Variants in INPPL1 observed in about 807,000 individuals in gnomAD.
INPPL1 encodes inositol polyphosphate phosphatase like 1, also known as phosphatidylinositol 3,4,5-trisphosphate 5-phosphatase 2.
In INPPL1, 91 loss-of-function variants were observed where a neutral mutation model predicts 139.3. The observed-to-expected ratio is 0.65, with a 90% CI of 0.55 to 0.78. INPPL1 has a LOEUF of 0.78. Ranked by LOEUF, INPPL1 falls within the 30% of genes least tolerant of loss-of-function variation. The probability of loss-of-function intolerance (pLI) is 0.00; values close to 1 mark genes in which losing one functional copy is unlikely to be tolerated. For missense variants in INPPL1, 1,411 were observed against 1,665.6 expected (o/e 0.85, Z 2.66); for synonymous variants, 719 against 686.6 (o/e 1.05, Z -0.74).
In INPPL1 at chr11:72,234,669, A is replaced by AT. The variant is rs1948931323; in HGVS notation, c.2415+55dup. 3 of 1,308,540 alleles carry AT rather than the reference A, an allele frequency of 2.3e-6. No individual in the cohort carries two copies. The highest frequency in any genetic ancestry group is 1.8e-5 in the Admixed American group (1 of 56,436). The allele number at this position is 1,308,540 out of a possible 1,614,324, so 81.1% of individuals were successfully genotyped here. ...TGGGTGAGGGCACAGAGAGGGGTAC[A>AT]TAAGAGTTTATTGGAGAGCCTGCCT... On this transcript the variant is annotated intron_variant, in intron 21 of 27. Coordinates refer to ENST00000298229, the MANE Select transcript of INPPL1 (RefSeq NM_001567.4). This position sits in a 1 kb window ranked among gnomAD's most constrained non-coding sequence, Gnocchi z 4.2.
chr11:72,236,993 G>A, intron 25 of INPPL1, 131 bp from the exon 26 acceptor site: 1 of 725,302 alleles, frequency 1.4e-6, no homozygotes, highest in Non-Finnish European at 2.3e-6. Flanking sequence ...GGCAGGTGAT[G>A]TGCTCAAGGT....
In INPPL1 at chr11:72,235,476, A is replaced by C; in HGVS notation, c.2659+25A>C. The stretch of plus-strand genomic sequence containing the variant: ...GGTGGGGACTCCACTGGGACATGAG[A>C]TAGGGTGGTGTGAACAGATCAAGGA... On this transcript the variant is annotated intron_variant, in intron 23 of 27. Transcript: ENST00000298229. The surrounding 1 kb of genome is among the most constrained non-coding windows in gnomAD (Gnocchi z 4.9). 6.2e-7 allele frequency: 1 copy of C among 1,608,238 alleles called. No individual in the cohort carries two copies. Among genetic ancestry groups the C allele is most frequent in the Non-Finnish European group, 8.5e-7 (1 of 1,178,800 alleles).
chr11:72,230,577 C>T (rs1948804570), intron 10 of INPPL1, 109 bp downstream of exon 10: 3 of 1,121,112 alleles, frequency 2.7e-6, no homozygotes, highest in Admixed American at 1.9e-5. Context: ...TGCCATCCCT[C>T]CTGGCAGGGG....
chr11:72,224,929 T>TCGGGGCGGATGGCG lies in INPPL1; in HGVS notation c.-47_-34dup. On this transcript the variant is annotated 5_prime_UTR_variant, in exon 1 of 28. It adds an upstream start codon to the 5' untranslated region. Coordinates refer to ENST00000298229, the MANE Select transcript of INPPL1 (RefSeq NM_001567.4). Reference sequence around the variant, plus strand: ...GGCCCCAGCCTCAGCCCTGAGCGTCTCGGGGCGGATGGCGCGGGGCGGCGG... The same window carrying TCGGGGCGGATGGCG: ...GGCCCCAGCCTCAGCCCTGAGCGTCTCGGGGCGGATGGCGCGGGGCGGATGGCGCGGGGCGGCGG... 3 of 1,031,624 alleles carry TCGGGGCGGATGGCG rather than the reference T, an allele frequency of 2.9e-6. No individual in the cohort carries two copies. Among genetic ancestry groups the TCGGGGCGGATGGCG allele is most frequent in the Non-Finnish European group, 3.5e-6 (3 of 859,442 alleles). The allele number at this position is 1,031,624 out of a possible 1,614,324, so 63.9% of individuals were successfully genotyped here.
chr11:72,237,267 C>G lies in INPPL1; in HGVS notation c.3023C>G (p.Pro1008Arg). 1 of 1,614,046 alleles carries G rather than the reference C, an allele frequency of 6.2e-7. No individual in the cohort carries two copies. Among genetic ancestry groups the G allele is most frequent in the Non-Finnish European group, 8.5e-7 (1 of 1,180,018 alleles). ...GAGCCACCCTCGCCTGCCAGGGCCC[C>G]TGTCCCATCTGCCACCAAGAACAAA... ...PPEPPSPARA[P>R]VPSATKNKVA... The change falls in exon 26 of 28, where the codon CCT (proline) becomes CGT (arginine). Residue 1008 changes from proline to arginine, a missense_variant. By Grantham distance (103) the Pro-to-Arg change is moderately radical. Coordinates refer to ENST00000298229, the MANE Select transcript of INPPL1 (RefSeq NM_001567.4).
intron 25 of INPPL1, among the ~76,000 whole-genome samples, chr11:72,236,582 C>T (rs1222243287): frequency 6.6e-6 from 1 of 152,218 alleles, no homozygotes. Flanking sequence ...CTCTGTGTCA[C>T]ACTTTGGGAA....
Position 72,235,497 on chromosome 11 carries a change from A to G in INPPL1, c.2659+46A>G, listed in dbSNP as rs199807221. ...TGAGATAGGGTGGTGTGAACAGATCAAGGAGGGCAGGGTGCGGGGGGCATG... is the reference window on the plus strand; with the variant it reads ...TGAGATAGGGTGGTGTGAACAGATCGAGGAGGGCAGGGTGCGGGGGGCATG... On this transcript the variant is annotated intron_variant, in intron 23 of 27. Coordinates refer to ENST00000298229, the MANE Select transcript of INPPL1 (RefSeq NM_001567.4). The surrounding 1 kb of genome is among the most constrained non-coding windows in gnomAD (Gnocchi z 4.9). 30 of 1,596,596 alleles carry G rather than the reference A, an allele frequency of 1.9e-5. No homozygotes were observed. In the African/African-American group the frequency reaches 4.0e-4, roughly 21 times the overall value.
Position 72,232,247 on chromosome 11 carries a change from G to A in INPPL1, c.1623G>A (p.Lys541=). 1.3e-6 allele frequency: 2 copies of A among 1,555,056 alleles called. No individual in the cohort carries two copies. The highest frequency in any genetic ancestry group is 1.7e-6 in the Non-Finnish European group (2 of 1,148,474). ...KTGIANTLGN[K]GAVGVSFMFN... Reference sequence around the variant, plus strand: ...TCTTGCTTGCCTTAACAGGGAACAAGGGGGCTGTGGGCGTCTCCTTCATGT... The same window carrying A: ...TCTTGCTTGCCTTAACAGGGAACAAAGGGGCTGTGGGCGTCTCCTTCATGT... Residue 541 remains lysine (K), a synonymous_variant, in exon 14 of 28, where the codon AAG becomes AAA. Coordinates refer to ENST00000298229, the MANE Select transcript of INPPL1 (RefSeq NM_001567.4).
At position 72,232,428 on chromosome 11, in the gene INPPL1, G is replaced by T. The variant is rs182376472; in HGVS notation, c.1712+92G>T. The T allele has an allele frequency of 2.5e-4, 316 of 1,287,274 alleles. 1 individual carries two copies. The African/African-American group carries it at 4.2e-3, about 17-fold the overall frequency. 79.7% of individuals were successfully genotyped at this position (1,287,274 alleles called of 1,614,324 possible). A position where few individuals can be genotyped will look rare whatever the true frequency, so the allele number is the denominator to read the frequency against. ...CCATACCCTAGCCCATGACCCTCCC[G>T]CAGGCCTGTCTCCAGAGACCCCCTG... On this transcript the variant is annotated intron_variant, in intron 14 of 27. Coordinates refer to ENST00000298229, the MANE Select transcript of INPPL1 (RefSeq NM_001567.4).
chr11:72,228,287 T>C lies in INPPL1; in HGVS notation c.246+34T>C. 2 of 1,613,932 alleles carry C rather than the reference T, an allele frequency of 1.2e-6. No homozygotes were observed. The highest frequency in any genetic ancestry group is 4.5e-5 in the East Asian group (2 of 44,880). ...TTGGGCCCCTGACCCCTGACCTTGATCCAGCCTAGGGCTTGGGGACCTGCT... is the reference window on the plus strand; with the variant it reads ...TTGGGCCCCTGACCCCTGACCTTGACCCAGCCTAGGGCTTGGGGACCTGCT... On this transcript the variant is annotated intron_variant, in intron 2 of 27. Transcript: ENST00000298229. This position sits in a 1 kb window ranked among gnomAD's most constrained non-coding sequence, Gnocchi z 5.0.
intron 17 of INPPL1, 46 bp downstream of exon 17, chr11:72,233,209 G>C: frequency 6.5e-7 from 1 of 1,543,664 alleles, no homozygotes; most frequent in South Asian, 1.1e-5. Context: ...GCAGGCCTGC[G>C]ATGAATCAAG....
In INPPL1 at chr11:72,232,648, A is replaced by G. The variant is rs1591279667; in HGVS notation, c.1735A>G (p.Ile579Val). 6.2e-7 allele frequency: 1 copy of G among 1,612,564 alleles called. No homozygotes were observed. The highest frequency in any genetic ancestry group is 1.1e-5 in the South Asian group (1 of 90,956). ...TARRNQNYLD[I>V]LRLLSLGDRQ... ...TAGGAGGAACCAAAACTACTTGGAC[A>G]TCCTGCGGCTGCTCTCGCTGGGCGA... The change falls in exon 15 of 28, where the codon ATC becomes GTC. Residue 579 changes from isoleucine (I) to valine (V), a missense_variant. Around this residue, in one of 5 missense-constraint regions of INPPL1, gnomAD observed 363 missense variants for 446.2 expected, o/e 0.81. Coordinates refer to ENST00000298229, the MANE Select transcript of INPPL1 (RefSeq NM_001567.4).
chr11:72,231,503 C>G lies in INPPL1; in HGVS notation c.1503C>G (p.Ala501=), dbSNP rs377279628. ...ELTDLDYRPI[A]MQSLWNIKVA... ...ACCATGCACTCTCTACCCAGATTGCCATGCAATCACTGTGGAATATCAAGG... is the reference window on the plus strand; with the variant it reads ...ACCATGCACTCTCTACCCAGATTGCGATGCAATCACTGTGGAATATCAAGG... The change falls in exon 13 of 28, where the codon GCC becomes GCG. Residue 501 remains alanine, a synonymous_variant. Coordinates refer to ENST00000298229, the MANE Select transcript of INPPL1 (RefSeq NM_001567.4). 31 of 1,609,504 alleles carry G rather than the reference C, an allele frequency of 1.9e-5. No individual in the cohort carries two copies. The highest frequency in any genetic ancestry group is 2.6e-5 in the Non-Finnish European group (30 of 1,176,134).
rs1420683727 is a variant in INPPL1, at chr11:72,231,250, C to T, written c.1497+61C>T. The stretch of plus-strand genomic sequence containing the variant: ...CACACACCACCTCCAAACTAGCCTA[C>T]TTGACTTCATGGGCAACCCTGGGAG... On this transcript the variant is annotated intron_variant, in intron 12 of 27. Coordinates refer to ENST00000298229, the MANE Select transcript of INPPL1 (RefSeq NM_001567.4). 12 of 1,500,770 alleles carry T rather than the reference C, an allele frequency of 8.0e-6. 1 individual carries two copies. In the Admixed American group the frequency reaches 9.0e-5, roughly 11 times the overall value. 93.0% of individuals were successfully genotyped at this position (1,500,770 alleles called of 1,614,324 possible). A position where few individuals can be genotyped will look rare whatever the true frequency, so the allele number is the denominator to read the frequency against.
chr11:72,231,512 A>G lies in INPPL1; in HGVS notation c.1512A>G (p.Ser504=). The part of the protein sequence containing the change: ...DLDYRPIAMQ[S]LWNIKVAVLV... Reference sequence around the variant, plus strand: ...TCTCTACCCAGATTGCCATGCAATCACTGTGGAATATCAAGGTGGCAGTGC... The same window carrying G: ...TCTCTACCCAGATTGCCATGCAATCGCTGTGGAATATCAAGGTGGCAGTGC... The change falls in exon 13 of 28, where the codon TCA becomes TCG. Residue 504 remains serine, a synonymous_variant. Coordinates refer to ENST00000298229, the MANE Select transcript of INPPL1 (RefSeq NM_001567.4). The G allele has an allele frequency of 1.2e-6, 2 of 1,613,624 alleles. No individual in the cohort carries two copies. The highest frequency in any genetic ancestry group is 1.7e-6 in the Non-Finnish European group (2 of 1,179,724).
In INPPL1 at chr11:72,228,011, C is replaced by T; in HGVS notation, c.183-179C>T. 2 of 651,764 alleles carry T rather than the reference C, an allele frequency of 3.1e-6. No individual in the cohort carries two copies. Among genetic ancestry groups the T allele is most frequent in the Non-Finnish European group, 5.5e-6 (2 of 362,708 alleles). 40.4% of individuals were successfully genotyped at this position (651,764 alleles called of 1,614,324 possible). On this transcript the variant is annotated intron_variant, in intron 1 of 27. Transcript: ENST00000298229. This position sits in a 1 kb window ranked among gnomAD's most constrained non-coding sequence, Gnocchi z 5.0. ...CTGGTCATTCCTGCCCAATAGGCAA[C>T]ACCAGGAGGGTGGAAGTGGACCGGC...
intron 1 of INPPL1, 145 bp downstream of exon 1, chr11:72,225,311 T>A: frequency 2.5e-6 from 3 of 1,223,006 alleles, no homozygotes; most frequent in Non-Finnish European, 3.1e-6. Context: ...CTTGGCTTTC[T>A]CCTGGGTCTG....
intron 7 of INPPL1, 41 bp downstream of exon 7, chr11:72,229,793 A>C (rs1329049035): frequency 1.7e-5 from 27 of 1,586,718 alleles, no homozygotes; most frequent in Non-Finnish European, 2.2e-5. Context: ...TTCACTGGCC[A>C]CTGTCATTGG....
chr11:72,233,816 A>G (rs1293673739), intron 19 of INPPL1, 72 bp downstream of exon 19: 1 of 1,249,504 alleles, frequency 8.0e-7, no homozygotes, highest in Non-Finnish European at 1.2e-6. Flanking sequence ...CGGGATGTAC[A>G]TAGGTTTGAC....
Sources: allele counts gnomAD v4.1 joint callset (sites outside exome capture counted in the v4.1 genomes callset), GRCh38; gene constraint gnomAD v4.1.1; regional missense constraint gnomAD v4.1.1; non-coding constraint Gnocchi (gnomAD v3.1); transcripts MANE v1.5; gene names NCBI Gene and HGNC (gene_info 2026-07-23, HGNC 2026-07-21).